The following AGO1 variants were observed in gnomAD, a reference collection of about 807,000 sequenced individuals.
AGO1 encodes protein argonaute-1.
AGO1 carries 11 observed loss-of-function variants against 109.2 expected under a neutral mutation model. That is an observed-to-expected ratio of 0.10 (90% CI 0.06 to 0.17). The LOEUF is 0.17. Among genes scored for constraint, AGO1 ranks in the 10% least tolerant of loss-of-function variants. The pLI, the probability that AGO1 is intolerant of heterozygous loss-of-function variation, is 1.00. For missense variants in AGO1, 574 were observed against 1,140.3 expected (o/e 0.50, Z 7.15); for synonymous variants, 422 against 418.6 (o/e 1.01, Z -0.10).
At chr1:35,908,880 G>A (rs1557617126) in intron 12 of AGO1, among the ~76,000 whole-genome samples, 1 of 148,382 alleles carries the variant, frequency 6.7e-6, no homozygotes, top group Non-Finnish European at 1.5e-5. Context: ...GTGCAGTGGC[G>A]TGATCTCAGC....
At position 35,905,361 on chromosome 1, in the gene AGO1, A is replaced by G. The variant is rs150825117; in HGVS notation, c.1398-1574A>G. Among the ~76,000 whole-genome samples the G allele has an allele frequency of 3.3e-4, 50 of 152,330 alleles. No homozygotes were observed. In the East Asian group the frequency reaches 6.2e-3, roughly 19 times the overall value. Reference sequence around the variant, plus strand: ...CATTTTGAAAAATTTTTTTAAGATAATAAATGTAGAGAATAACATGTATCC... The same window carrying G: ...CATTTTGAAAAATTTTTTTAAGATAGTAAATGTAGAGAATAACATGTATCC... On this transcript the variant is annotated intron_variant, in intron 11 of 18. Coordinates refer to ENST00000373204, the MANE Select transcript of AGO1 (RefSeq NM_012199.5).
chr1:35,876,513 A>G (rs541902040), intron 1 of AGO1, among the ~76,000 whole-genome samples: 20 of 151,868 alleles, frequency 1.3e-4, no homozygotes, highest in African/African-American at 2.2e-4. Context: ...TGATCCGCCC[A>G]CCTCGGCCTC....
intron 15 of AGO1, among the ~76,000 whole-genome samples, chr1:35,917,117 C>G (rs769235471): frequency 6.6e-6 from 1 of 152,100 alleles, no homozygotes; most frequent in African/African-American, 2.4e-5. Context: ...TCTTATAATC[C>G]TGCTGCTTTG....
At chr1:35,907,313 C>G (rs1431050334) in intron 12 of AGO1, among the ~76,000 whole-genome samples, 194 bp downstream of exon 12, 1 of 152,138 alleles carries the variant, frequency 6.6e-6, no homozygotes, top group East Asian at 1.9e-4. Flanking sequence ...CCTGCACACA[C>G]TCCTTCCCAG....
At chr1:35,909,088 G>A (rs1169389655) in intron 12 of AGO1, among the ~76,000 whole-genome samples, 1 of 152,142 alleles carries the variant, frequency 6.6e-6, no homozygotes, top group Non-Finnish European at 1.5e-5. Flanking sequence ...AAAGTGCTGG[G>A]ATTACAGGCA....
Position 35,918,438 on chromosome 1 carries a change from T to C in AGO1, c.2265+15T>C. On this transcript the variant is annotated intron_variant, in intron 17 of 18. Transcript: ENST00000373204. ...CAGGCATCCAGGTAGCTGGGCTTTA[T>C]CTTGTGGTTCCAATGGGTCAAAGAT... 1.3e-6 allele frequency: 2 copies of C among 1,596,506 alleles called. No homozygotes were observed. Among genetic ancestry groups the C allele is most frequent in the Non-Finnish European group, 1.7e-6 (2 of 1,163,936 alleles).
At chr1:35,871,514 G>C (rs1644951096) in intron 1 of AGO1, among the ~76,000 whole-genome samples, 1 of 151,452 alleles carries the variant, frequency 6.6e-6, no homozygotes, top group Non-Finnish European at 1.5e-5. Flanking sequence ...CTGCACTCCA[G>C]CCTGGTGACA....
Position 35,883,292 on chromosome 1 carries a change from G to C in AGO1, c.-130G>C. 7.0e-6 allele frequency: 10 copies of C among 1,424,300 alleles called. No individual in the cohort carries two copies. The South Asian group carries it at 7.4e-5, about 10-fold the overall frequency. The allele number at this position is 1,424,300 out of a possible 1,614,324, so 88.2% of individuals were successfully genotyped here. ...ACGGAGGCTGCGGGGGCGGCGGCGC[G>C]AGCGGCCGGGCTTGGTAGGGGAGCC... On this transcript the variant is annotated 5_prime_UTR_variant, in exon 1 of 19. Transcript: ENST00000373204. This position sits in a 1 kb window ranked among gnomAD's most constrained non-coding sequence, Gnocchi z 5.4.
chr1:35,884,373 ACAG>A (rs1322218103), intron 1 of AGO1, among the ~76,000 whole-genome samples: 2 of 152,130 alleles, frequency 1.3e-5, no homozygotes. Context: ...GGAATCAAGG[ACAG>A]GGCAGGGGCT....
chr1:35,915,243 A>T, intron 14 of AGO1, 105 bp from the exon 15 acceptor site: 1 of 918,764 alleles, frequency 1.1e-6, no homozygotes, highest in Non-Finnish European at 1.7e-6. Context: ...CTCAAGCCCT[A>T]GTCATTCAGT....
rs1645797274 is a variant in AGO1 at position 35,919,697 on chromosome 1, G to A, written c.*90G>A. 2 of 1,270,532 alleles carry A rather than the reference G, an allele frequency of 1.6e-6. No individual in the cohort carries two copies. Among genetic ancestry groups the A allele is most frequent in the East Asian group, 2.4e-5 (1 of 41,042 alleles). The allele number at this position is 1,270,532 out of a possible 1,614,324, so 78.7% of individuals were successfully genotyped here. A position where few individuals can be genotyped will look rare whatever the true frequency, so the allele number is the denominator to read the frequency against. Reference sequence around the variant, plus strand: ...CAAATCCAGAGGAAGCAAGGAGGAGGGAGGTGGGGTAGGGAGGAGTGTAGG... The same window carrying A: ...CAAATCCAGAGGAAGCAAGGAGGAGAGAGGTGGGGTAGGGAGGAGTGTAGG... On this transcript the variant is annotated 3_prime_UTR_variant, in exon 19 of 19. Transcript: ENST00000373204. The surrounding 1 kb of genome is among the most constrained non-coding windows in gnomAD (Gnocchi z 6.6).
intron 1 of AGO1, among the ~76,000 whole-genome samples, chr1:35,870,530 G>A (rs1571329601): frequency 6.6e-6 from 1 of 152,068 alleles, no homozygotes; most frequent in Admixed American, 6.6e-5. Context: ...TGATCTGCAC[G>A]CCTCGCCTCC....
In AGO1 at chr1:35,914,170, T is replaced by C; in HGVS notation, c.1743-14T>C. On this transcript the variant is annotated splice_polypyrimidine_tract_variant and intron_variant, in intron 13 of 18. Transcript: ENST00000373204. Reference sequence around the variant, plus strand: ...CCCAGCGCCTCACCATTTTGTTTTCTCTTCCTTGCTCAGCTCTGCCGTTTT... The same window carrying C: ...CCCAGCGCCTCACCATTTTGTTTTCCCTTCCTTGCTCAGCTCTGCCGTTTT... The C allele has an allele frequency of 6.2e-7, 1 of 1,613,918 alleles. No homozygotes were observed. Among genetic ancestry groups the C allele is most frequent in the Non-Finnish European group, 8.5e-7 (1 of 1,179,780 alleles).
intron 1 of AGO1, among the ~76,000 whole-genome samples, chr1:35,877,871 TTA>T (rs1645004975): frequency 6.6e-6 from 1 of 151,744 alleles, no homozygotes; most frequent in African/African-American, 2.4e-5. Context: ...TTTTGTATTT[TTA>T]GTAGAGATGG....
chr1:35,892,754 C>T (rs1393214577), intron 3 of AGO1, 77 bp downstream of exon 3: 9 of 1,593,626 alleles, frequency 5.6e-6, no homozygotes, highest in Non-Finnish European at 7.7e-6. Context: ...CTTTGGAGAT[C>T]CAGAGATCCT....
At chr1:35,884,607 T>C (rs904265971) in intron 1 of AGO1, among the ~76,000 whole-genome samples, 25 of 152,206 alleles carry the variant, frequency 1.6e-4, no homozygotes, top group African/African-American at 5.8e-4. Context: ...GTCAGGGCTG[T>C]CTTTAGAGCC....
intron 1 of AGO1, among the ~76,000 whole-genome samples, chr1:35,887,723 C>G (rs947022415): frequency 6.6e-6 from 1 of 152,094 alleles, no homozygotes; most frequent in African/African-American, 2.4e-5. Flanking sequence ...GCTTCCAACC[C>G]TAACCTCTTT....
At position 35,917,300 on chromosome 1, in the gene AGO1, CCTTGGTTCTGTGT is replaced by C. The variant is rs1645752069; in HGVS notation, c.2029-286_2029-274del. Among the ~76,000 whole-genome samples, 3 of 152,264 alleles carry C rather than the reference CCTTGGTTCTGTGT, an allele frequency of 2.0e-5. No individual in the cohort carries two copies. The South Asian group carries it at 6.2e-4, about 32-fold the overall frequency. On this transcript the variant is annotated intron_variant, in intron 15 of 18. Coordinates refer to ENST00000373204, the MANE Select transcript of AGO1 (RefSeq NM_012199.5). ...GTGATTTTAGTGATTTCTCTGTGAA[CCTTGGTTCTGTGT>C]CTTGGTATTAGGTCTCTTTATACAC...
chr1:35,894,154 TCA>T lies in AGO1; in HGVS notation c.769_770del (p.Thr257GlnfsTer24). The T allele has an allele frequency of 6.3e-7, 1 of 1,576,064 alleles. No homozygotes were observed. On this transcript the variant is annotated frameshift_variant, in exon 6 of 19. Coordinates refer to ENST00000373204, the MANE Select transcript of AGO1 (RefSeq NM_012199.5). LOFTEE classifies it high-confidence loss of function. ...CTCACGGACTCTCAGCGCGTTCGCT[TCA>T]CCAAGGAGATCAAGGGTGAGGACCC...
Sources: gnomAD v4.1 joint callset for allele counts (sites outside exome capture counted in the v4.1 genomes callset) on GRCh38, gnomAD v4.1.1 for gene constraint, Gnocchi (gnomAD v3.1) non-coding constraint, MANE v1.5 for transcripts, NCBI Gene and HGNC (gene_info 2026-07-23, HGNC 2026-07-21) for gene names.